Variants in MPDZ observed in about 807,000 individuals in gnomAD.
MPDZ encodes multiple PDZ domain crumbs cell polarity complex component.
MPDZ carries 234 observed loss-of-function variants against 239.1 expected under a neutral mutation model. The ratio of observed to expected loss-of-function variants is 0.98; its 90% confidence interval spans 0.88 to 1.09. The LOEUF (loss-of-function observed/expected upper bound fraction) is 1.09, where lower values mean the gene tolerates loss of function less well. MPDZ is among the 50% of genes least tolerant of loss of function. The probability of loss-of-function intolerance (pLI) is 0.00; values close to 1 mark genes in which losing one functional copy is unlikely to be tolerated. For synonymous variants in MPDZ, 1,048 were observed against 881.3 expected (o/e 1.19, Z -3.35); for missense variants, 3,175 against 2,510.0 (o/e 1.26, Z -5.66).
chr9:13,214,694 T>C (rs1179409311), intron 10 of MPDZ, among the ~76,000 whole-genome samples: 2 of 152,056 alleles, frequency 1.3e-5, no homozygotes, highest in African/African-American at 4.8e-5. Context: ...CAGATATGGA[T>C]TTAGACTCCG....
intron 36 of MPDZ, among the ~76,000 whole-genome samples, 177 bp downstream of exon 36, chr9:13,122,976 C>T (rs1944582214): frequency 6.6e-6 from 1 of 152,194 alleles, no homozygotes; most frequent in South Asian, 2.1e-4. Context: ...TTGGCTTACT[C>T]AAAGGAAACC....
At chr9:13,262,861 A>G (rs1373607164) in intron 1 of MPDZ, among the ~76,000 whole-genome samples, 1 of 152,086 alleles carries the variant, frequency 6.6e-6, no homozygotes, top group Admixed American at 6.5e-5. Flanking sequence ...TTTTAAATAT[A>G]AAAAATAGTA....
At chr9:13,155,350 T>A (rs1040284695) in intron 24 of MPDZ, among the ~76,000 whole-genome samples, 3 of 152,184 alleles carry the variant, frequency 2.0e-5, no homozygotes, top group Non-Finnish European at 2.9e-5. Context: ...TAAATTTTCA[T>A]GTGTAAGTAT....
intron 17 of MPDZ, 93 bp from the exon 18 acceptor site, chr9:13,186,479 G>T: frequency 2.4e-6 from 2 of 839,728 alleles, no homozygotes; most frequent in Non-Finnish European, 3.8e-6. Flanking sequence ...AAAGTGAGGG[G>T]GGCGAGAAGA....
In MPDZ at chr9:13,200,237, C is replaced by A. The variant is rs565522668; in HGVS notation, c.1547-4007G>T. On this transcript the variant is annotated intron_variant, in intron 12 of 46. Transcript: ENST00000319217. ...CTGGGTTTTCTAATTTACTAGTGGG[C>A]AGTTGTTCATAATAGTCTCTAACAA... Among the ~76,000 whole-genome samples the A allele has an allele frequency of 3.3e-5, 5 of 151,902 alleles. No individual in the cohort carries two copies. In the South Asian group the frequency reaches 1.0e-3, roughly 32 times the overall value.
At chr9:13,255,861 T>G (rs1444130038) in intron 1 of MPDZ, among the ~76,000 whole-genome samples, 2 of 152,228 alleles carry the variant, frequency 1.3e-5, no homozygotes, top group Admixed American at 1.3e-4. Context: ...TGGCTTCAAT[T>G]TGACATCACC....
rs140766219 is a variant in MPDZ, at chr9:13,265,623, C to G, written c.-58+13777G>C. Among the ~76,000 whole-genome samples the G allele has an allele frequency of 5.6e-3, 851 of 152,264 alleles. 9 individuals are homozygous for G. The highest frequency in any genetic ancestry group is 9.8e-3 in the South Asian group (47 of 4,820). On this transcript the variant is annotated intron_variant, in intron 1 of 46. Coordinates refer to ENST00000319217, the MANE Select transcript of MPDZ (RefSeq NM_001378778.1). ...GGTACTCAAAAGCATACCCATGGGA[C>G]CCAGAAATATAGTTGGCAGCTGGTC...
At chr9:13,122,770 G>C (rs2131646425) in intron 36 of MPDZ, among the ~76,000 whole-genome samples, 1 of 152,202 alleles carries the variant, frequency 6.6e-6, no homozygotes, top group African/African-American at 2.4e-5. Flanking sequence ...ACCTGCCTCA[G>C]CCTCCTAAAG....
intron 35 of MPDZ, among the ~76,000 whole-genome samples, chr9:13,124,083 G>A (rs1377165417): frequency 6.6e-6 from 1 of 152,172 alleles, no homozygotes; most frequent in East Asian, 1.9e-4. Context: ...AGGACACTTG[G>A]TATAGTAGCG....
intron 24 of MPDZ, among the ~76,000 whole-genome samples, chr9:13,154,282 G>A (rs1170685487): frequency 6.6e-6 from 1 of 152,050 alleles, no homozygotes; most frequent in South Asian, 2.1e-4. Context: ...GAAAAAGGAG[G>A]CCTAGAAAAG....
rs202174511 is a variant in MPDZ, at chr9:13,162,786, A to G, written c.3264T>C (p.Tyr1088=). ...SLIGPDIKIT[Y]VPAEHLEEFK... ...ACTCTTCCAAATGTTCTGCAGGCAC[A>G]TAAGTAATTCTGGAACAAACCAGAA... The change falls in exon 23 of 47, where the codon TAT becomes TAC. Residue 1088 remains tyrosine (Y), a synonymous_variant. Coordinates refer to ENST00000319217, the MANE Select transcript of MPDZ (RefSeq NM_001378778.1). 52 of 1,610,004 alleles carry G rather than the reference A, an allele frequency of 3.2e-5. No individual in the cohort carries two copies. Among genetic ancestry groups the G allele is most frequent in the Middle Eastern group, 1.7e-4 (1 of 6,036 alleles).
chr9:13,129,142 A>G (rs1157561775), intron 32 of MPDZ, among the ~76,000 whole-genome samples: 1 of 152,212 alleles, frequency 6.6e-6, no homozygotes, highest in Non-Finnish European at 1.5e-5. Flanking sequence ...CTATATACAC[A>G]TCAACAAACA....
chr9:13,171,095 A>G (rs541634979), intron 21 of MPDZ, among the ~76,000 whole-genome samples: 2 of 152,292 alleles, frequency 1.3e-5, no homozygotes, highest in African/African-American at 4.8e-5. Flanking sequence ...CAGTTTACTT[A>G]CCTTTAAAAA....
intron 3 of MPDZ, among the ~76,000 whole-genome samples, chr9:13,238,303 C>G (rs980301065): frequency 1.3e-5 from 2 of 152,136 alleles, no homozygotes; most frequent in Admixed American, 6.5e-5. Context: ...TGGCAAGAGC[C>G]AAGTGGAAAG....
intron 3 of MPDZ, among the ~76,000 whole-genome samples, chr9:13,229,689 C>T (rs1351735235): frequency 6.6e-6 from 1 of 151,522 alleles, no homozygotes; most frequent in Non-Finnish European, 1.5e-5. Flanking sequence ...AAAATTAAAT[C>T]TCAGAAGATC....
Position 13,183,468 on chromosome 9 carries a change from A to C in MPDZ, c.2599T>G (p.Cys867Gly), listed in dbSNP as rs1953655538. ...ASILSLHGSSCGDGLNYGSSL... is the reference protein window; with the variant it reads ...ASILSLHGSSGGDGLNYGSSL... Reference sequence around the variant, plus strand: ...GAACCATAGTTCAGGCCATCACCACAAGAACTGCCATGAAGAGATAAAATA... The same window carrying C: ...GAACCATAGTTCAGGCCATCACCACCAGAACTGCCATGAAGAGATAAAATA... The change falls in exon 19 of 47, where the codon TGT (cysteine) becomes GGT (glycine). Residue 867 changes from cysteine (C) to glycine (G), a missense_variant. Coordinates refer to ENST00000319217, the MANE Select transcript of MPDZ (RefSeq NM_001378778.1). 1 of 1,612,078 alleles carries C rather than the reference A, an allele frequency of 6.2e-7. No homozygotes were observed. The highest frequency in any genetic ancestry group is 1.3e-5 in the African/African-American group (1 of 74,858).
rs578032863 is a variant in MPDZ at position 13,138,870 on chromosome 9, TTGGAAGTCCAGCCCAGC to T, written c.4004-734_4004-718del. The stretch of plus-strand genomic sequence containing the variant: ...TTGACAACCATGTAAATGAGCTGTC[TTGGAAGTCCAGCCCAGC>T]TGGGCCCAGTCACCCACTGCCCTTT... On this transcript the variant is annotated intron_variant, in intron 28 of 46. Coordinates refer to ENST00000319217, the MANE Select transcript of MPDZ (RefSeq NM_001378778.1). Among the ~76,000 whole-genome samples the T allele has an allele frequency of 6.6e-5, 10 of 152,324 alleles. No individual in the cohort carries two copies. The South Asian group carries it at 2.1e-3, about 32-fold the overall frequency.
At chr9:13,256,340 G>A (rs964661660) in intron 1 of MPDZ, among the ~76,000 whole-genome samples, 1 of 152,192 alleles carries the variant, frequency 6.6e-6, no homozygotes, top group Non-Finnish European at 1.5e-5. Flanking sequence ...TGCAGTCACT[G>A]GAGAAGCTAT....
chr9:13,112,981 G>C, intron 42 of MPDZ, 30 bp downstream of exon 42: 1 of 1,559,752 alleles, frequency 6.4e-7, no homozygotes, highest in Non-Finnish European at 8.7e-7. Flanking sequence ...AAAACGCCAG[G>C]GTTTATATTG....
Sources: gnomAD v4.1 joint callset for allele counts (sites outside exome capture counted in the v4.1 genomes callset) on GRCh38, gnomAD v4.1.1 for gene constraint, MANE v1.5 for transcripts, NCBI Gene and HGNC (gene_info 2026-07-23, HGNC 2026-07-21) for gene names.